The following TMEM45A variants were observed in gnomAD, a reference collection of about 807,000 sequenced individuals.
TMEM45A encodes transmembrane protein 45A.
A neutral mutation model predicts 32.0 loss-of-function variants in TMEM45A; 25 were observed. The ratio of observed to expected loss-of-function variants is 0.78; its 90% CI spans 0.57 to 1.09. The LOEUF is 1.09. Among genes scored for constraint, TMEM45A ranks in the 50% least tolerant of loss-of-function variants. The pLI is 0.00. For missense variants in TMEM45A, 302 were observed against 325.0 expected (o/e 0.93, Z 0.54); for synonymous variants, 122 against 114.8 (o/e 1.06, Z -0.40).
At chr3:100,576,192 T>C (rs1706680682) in intron 5 of TMEM45A, among the ~76,000 whole-genome samples, 1 of 152,186 alleles carries the variant, frequency 6.6e-6, no homozygotes. Context: ...GGCTCACGCC[T>C]GTAATCCCAG....
At chr3:100,575,188 T>C (rs1016221976) in intron 5 of TMEM45A, among the ~76,000 whole-genome samples, 1 of 152,132 alleles carries the variant, frequency 6.6e-6, no homozygotes, top group African/African-American at 2.4e-5. Context: ...GTTGATATGG[T>C]CACAGCACAA....
At chr3:100,513,258 A>G (rs2148939067) in intron 1 of TMEM45A, among the ~76,000 whole-genome samples, 1 of 152,242 alleles carries the variant, frequency 6.6e-6, no homozygotes, top group African/African-American at 2.4e-5. Context: ...CCAGCAGCAC[A>G]TCTAAAAGCT....
intron 4 of TMEM45A, among the ~76,000 whole-genome samples, chr3:100,560,262 T>TC (rs35299607): frequency 4.1e-4 from 49 of 120,548 alleles, no homozygotes; most frequent in Admixed American, 5.2e-4. Flanking sequence ...TCTCTCTCTC[T>TC]TTTTTTTTTT....
At chr3:100,535,192 T>C (rs1705720170) in intron 1 of TMEM45A, among the ~76,000 whole-genome samples, 1 of 151,656 alleles carries the variant, frequency 6.6e-6, no homozygotes, top group African/African-American at 2.4e-5. Context: ...GCAATCTCGG[T>C]TCACTACAAC....
chr3:100,567,908 C>T (rs1323041838), intron 4 of TMEM45A, among the ~76,000 whole-genome samples: 2 of 152,086 alleles, frequency 1.3e-5, no homozygotes, highest in African/African-American at 4.8e-5. Flanking sequence ...CCTCAGCCTC[C>T]CGAGTAGCTG....
chr3:100,553,975 G>A (rs1475287630), intron 1 of TMEM45A, among the ~76,000 whole-genome samples: 1 of 152,150 alleles, frequency 6.6e-6, no homozygotes, highest in Non-Finnish European at 1.5e-5. Context: ...GTCCTGAACT[G>A]AGCAGCCCAT....
intron 1 of TMEM45A, among the ~76,000 whole-genome samples, chr3:100,531,524 A>G (rs1705647592): frequency 6.6e-6 from 1 of 152,262 alleles, no homozygotes. Context: ...TAAGGAAGAA[A>G]GAAGATGGGC....
rs552792527 is a variant in TMEM45A, at chr3:100,553,737, G to A, written c.-3-1472G>A. On this transcript the variant is annotated intron_variant, in intron 1 of 5. Transcript: ENST00000323523. Reference sequence around the variant, plus strand: ...GCTTAGAAAGGTTAAGAAACATGACGCAAACACACCATTACAGGTATAGTT... The same window carrying A: ...GCTTAGAAAGGTTAAGAAACATGACACAAACACACCATTACAGGTATAGTT... Among the ~76,000 whole-genome samples the A allele has an allele frequency of 6.6e-5, 10 of 152,180 alleles. No individual in the cohort carries two copies. In the South Asian group the frequency reaches 1.2e-3, roughly 19 times the overall value.
intron 1 of TMEM45A, among the ~76,000 whole-genome samples, chr3:100,553,614 G>T (rs906910189): frequency 6.6e-6 from 1 of 152,156 alleles, no homozygotes; most frequent in Admixed American, 6.5e-5. Context: ...CTGTGATAAA[G>T]GTGGTGGTTA....
rs186436494 is a variant in TMEM45A at position 100,505,924 on chromosome 3, C to G, written c.-4+12996C>G. ...AATTTGAGGAGAAGGTGTGAAGAGG[C>G]TGGGGAAACCAAGGTGGTTAGAGTT... On this transcript the variant is annotated intron_variant, in intron 1 of 5. Coordinates refer to ENST00000323523, the MANE Select transcript of TMEM45A (RefSeq NM_018004.3). Among the ~76,000 whole-genome samples, 5 of 152,266 alleles carry G rather than the reference C, an allele frequency of 3.3e-5. No individual in the cohort carries two copies. In the East Asian group the frequency reaches 9.7e-4, roughly 29 times the overall value.
chr3:100,555,730 G>A (rs1447100386), intron 2 of TMEM45A, among the ~76,000 whole-genome samples: 2 of 152,096 alleles, frequency 1.3e-5, no homozygotes, highest in South Asian at 2.1e-4. Context: ...CAATGAAAAT[G>A]TTCTGTGTTC....
At position 100,558,400 on chromosome 3, in the gene TMEM45A, A is replaced by C. The variant is rs963020025; in HGVS notation, c.404-5A>C. 1 of 1,612,514 alleles carries C rather than the reference A, an allele frequency of 6.2e-7. No individual in the cohort carries two copies. The highest frequency in any genetic ancestry group is 8.5e-7 in the Non-Finnish European group (1 of 1,179,932). On this transcript the variant is annotated splice_region_variant and splice_polypyrimidine_tract_variant and intron_variant, in intron 3 of 5. Transcript: ENST00000323523. ...GAAAAAGACAATCTGTTTTTTCCCC[A>C]TCAGCCTTTATCTTCTACAACCACA...
chr3:100,540,969 C>G (rs1228839529), intron 1 of TMEM45A, among the ~76,000 whole-genome samples: 1 of 152,150 alleles, frequency 6.6e-6, no homozygotes, highest in African/African-American at 2.4e-5. Flanking sequence ...CCCTTTTCTA[C>G]AAAGCCTTGC....
At chr3:100,500,663 C>T (rs1707997795) in intron 1 of TMEM45A, among the ~76,000 whole-genome samples, 1 of 152,232 alleles carries the variant, frequency 6.6e-6, no homozygotes. Context: ...TCTGAGCAGC[C>T]TGGGCCCCTC....
At chr3:100,513,965 G>T (rs1468153924) in intron 1 of TMEM45A, among the ~76,000 whole-genome samples, 1 of 151,834 alleles carries the variant, frequency 6.6e-6, no homozygotes, top group Non-Finnish European at 1.5e-5. Context: ...CACTGCTCAA[G>T]GAAATAAAAG....
intron 1 of TMEM45A, among the ~76,000 whole-genome samples, chr3:100,516,538 C>T (rs1390705095): frequency 2.0e-5 from 3 of 152,162 alleles, no homozygotes; most frequent in South Asian, 2.1e-4. Context: ...TTACCTCCAT[C>T]GCAGTCTTAT....
chr3:100,568,718 G>T, intron 4 of TMEM45A, 104 bp from the exon 5 acceptor site: 1 of 1,023,494 alleles, frequency 9.8e-7, no homozygotes, highest in Non-Finnish European at 1.4e-6. Context: ...TTAGATAATT[G>T]GAGTTAACTT....
chr3:100,550,307 A>T (rs149548630), intron 1 of TMEM45A, among the ~76,000 whole-genome samples: 1 of 152,196 alleles, frequency 6.6e-6, no homozygotes, highest in East Asian at 1.9e-4. Context: ...TTCAAAACCA[A>T]TGAAATTTGC....
At chr3:100,519,857 A>C (rs1322476267) in intron 1 of TMEM45A, among the ~76,000 whole-genome samples, 1 of 152,142 alleles carries the variant, frequency 6.6e-6, no homozygotes, top group East Asian at 1.9e-4. Flanking sequence ...GTTGATGTTG[A>C]AGATATGTGC....
Sources: allele counts gnomAD v4.1 joint callset (sites outside exome capture counted in the v4.1 genomes callset), GRCh38; gene constraint gnomAD v4.1.1; transcripts MANE v1.5; gene names NCBI Gene and HGNC (gene_info 2026-07-23, HGNC 2026-07-21).